The following TOM1L1 variants were observed in gnomAD, a reference collection of about 807,000 sequenced individuals.
TOM1L1 encodes the protein target of myb1 like 1 membrane trafficking protein, also known as TOM1-like protein 1.
TOM1L1 carries 64 observed loss-of-function variants against 63.4 expected under a neutral mutation model. The ratio of observed to expected loss-of-function variants is 1.01; its 90% CI spans 0.83 to 1.24. The LOEUF is 1.24. TOM1L1 is among the 50% of genes most tolerant of loss of function. The pLI is 0.00. For missense variants in TOM1L1, 536 were observed against 567.0 expected (o/e 0.95, Z 0.55); for synonymous variants, 166 against 194.4 (o/e 0.85, Z 1.22).
At chr17:54,949,099 A>AT (rs1489160466) in intron 12 of TOM1L1, among the ~76,000 whole-genome samples, 2 of 152,106 alleles carry the variant, frequency 1.3e-5, no homozygotes, top group Non-Finnish European at 1.5e-5. Flanking sequence ...TAGCATGATC[A>AT]TATGATCATA....
intron 7 of TOM1L1, chr17:54,916,097 C>T: frequency 2.1e-6 from 1 of 470,852 alleles, no homozygotes; most frequent in South Asian, 4.5e-5. Context: ...TAAGTTATAA[C>T]CTTGGTCATG....
intron 7 of TOM1L1, among the ~76,000 whole-genome samples, chr17:54,924,045 A>T (rs1392888361): frequency 2.0e-5 from 3 of 151,616 alleles, no homozygotes; most frequent in Non-Finnish European, 4.4e-5. Flanking sequence ...CTTGCTGGAA[A>T]CCCTCCATTG....
At chr17:54,915,887 C>G (rs779006471) in intron 7 of TOM1L1, 25 bp downstream of exon 7, 1 of 1,549,180 alleles carries the variant, frequency 6.5e-7, no homozygotes, top group East Asian at 2.3e-5. Context: ...CAGGGACTAT[C>G]AGTCAAAGTG....
intron 7 of TOM1L1, among the ~76,000 whole-genome samples, chr17:54,921,981 A>T (rs988057082): frequency 2.0e-5 from 3 of 152,156 alleles, no homozygotes; most frequent in Non-Finnish European, 4.4e-5. Flanking sequence ...AGTAAGCTAG[A>T]GAAAAGAAAA....
intron 8 of TOM1L1, among the ~76,000 whole-genome samples, chr17:54,934,120 C>T (rs749785011): frequency 6.6e-6 from 1 of 152,104 alleles, no homozygotes; most frequent in Non-Finnish European, 1.5e-5. Flanking sequence ...TGAGTTCTGT[C>T]CTTTGTCCTG....
At position 54,900,948 on chromosome 17, in the gene TOM1L1, C is replaced by CCAGG. The variant is rs1567816378; in HGVS notation, c.58+34_58+37dup. 2.5e-6 allele frequency: 4 copies of CCAGG among 1,613,610 alleles called. No homozygotes were observed. The Admixed American group carries it at 6.7e-5, about 27-fold the overall frequency. ...GGTAAGGAGGCGCGGGGAGAGACGC[C>CCAGG]CAGGCAGGCAGGGGACCGTGGGATC... On this transcript the variant is annotated intron_variant, in intron 1 of 15. Transcript: ENST00000575882.
intron 15 of TOM1L1, among the ~76,000 whole-genome samples, chr17:54,960,959 C>T (rs1281493042): frequency 6.6e-6 from 1 of 152,156 alleles, no homozygotes; most frequent in African/African-American, 2.4e-5. Context: ...TTAACCGGTA[C>T]CAGTAGACCC....
intron 1 of TOM1L1, chr17:54,901,215 GC>G (rs899050149): frequency 2.5e-5 from 12 of 478,062 alleles, no homozygotes; most frequent in Middle Eastern, 5.5e-4. Context: ...GAGTGTTTGG[GC>G]CTCCACGAGG....
chr17:54,905,462 G>A (rs763724673), intron 2 of TOM1L1, 27 bp from the exon 3 acceptor site: 1 of 1,502,530 alleles, frequency 6.7e-7, no homozygotes. Flanking sequence ...GCCTAAATTG[G>A]TGATTTCAGT....
chr17:54,915,680 G>A, intron 6 of TOM1L1, 66 bp from the exon 7 acceptor site: 1 of 1,113,156 alleles, frequency 9.0e-7, no homozygotes, highest in East Asian at 2.7e-5. Context: ...TGTCCCATGG[G>A]GGCAGGAAAC....
chr17:54,903,409 T>C (rs1312276592), intron 1 of TOM1L1, among the ~76,000 whole-genome samples: 3 of 152,236 alleles, frequency 2.0e-5, no homozygotes, highest in Non-Finnish European at 4.4e-5. Flanking sequence ...TAAGCCCTAG[T>C]TCCCTTCTCT....
intron 7 of TOM1L1, among the ~76,000 whole-genome samples, chr17:54,919,703 T>G (rs969310313): frequency 6.6e-6 from 1 of 152,202 alleles, no homozygotes; most frequent in Non-Finnish European, 1.5e-5. Flanking sequence ...TTATAGAGAC[T>G]GTTGAATGTG....
chr17:54,900,946 G>A, intron 1 of TOM1L1, 23 bp downstream of exon 1: 2 of 1,613,592 alleles, frequency 1.2e-6, no homozygotes, highest in Non-Finnish European at 1.7e-6. Context: ...GGGGAGAGAC[G>A]CCCAGGCAGG....
intron 11 of TOM1L1, among the ~76,000 whole-genome samples, chr17:54,943,399 C>T (rs2049062282): frequency 6.8e-6 from 1 of 146,374 alleles, no homozygotes; most frequent in Non-Finnish European, 1.5e-5. Context: ...TTTTAGTGCT[C>T]CATTTTAGTT....
At chr17:54,943,035 T>C in intron 11 of TOM1L1, among the ~76,000 whole-genome samples, 1 of 152,196 alleles carries the variant, frequency 6.6e-6, no homozygotes, top group Non-Finnish European at 1.5e-5. Context: ...GATTGAGTCT[T>C]TTATCATTAT....
At chr17:54,910,400 G>A (rs1240014079) in intron 3 of TOM1L1, among the ~76,000 whole-genome samples, 3 of 152,214 alleles carry the variant, frequency 2.0e-5, no homozygotes, top group African/African-American at 7.2e-5. Context: ...AGGTTGCAGT[G>A]AGTCGAGATT....
chr17:54,933,271 A>G (rs2048893376), intron 8 of TOM1L1, among the ~76,000 whole-genome samples: 1 of 152,112 alleles, frequency 6.6e-6, no homozygotes, highest in African/African-American at 2.4e-5. Flanking sequence ...TGATTATATC[A>G]TATCACTCTT....
chr17:54,944,174 G>A (rs1179658252), intron 11 of TOM1L1, among the ~76,000 whole-genome samples: 2 of 152,112 alleles, frequency 1.3e-5, no homozygotes, highest in Non-Finnish European at 2.9e-5. Flanking sequence ...GTGGCCGGGC[G>A]TGGTGGCTCA....
Position 54,915,865 on chromosome 17 carries a change from G to T in TOM1L1, c.720+3G>T, listed in dbSNP as rs2048579605. The T allele has an allele frequency of 6.2e-7, 1 of 1,607,998 alleles. No individual in the cohort carries two copies. Among genetic ancestry groups the T allele is most frequent in the African/African-American group, 1.3e-5 (1 of 74,798 alleles). On this transcript the variant is annotated splice_donor_region_variant and intron_variant, in intron 7 of 15. Transcript: ENST00000575882. ...ATGAAGACATAGAGCTTCTGCAGGT[G>T]TTGTACGATTTCAGGGACTATCAGT...
Sources: allele counts gnomAD v4.1 joint callset (sites outside exome capture counted in the v4.1 genomes callset), GRCh38; gene constraint gnomAD v4.1.1; transcripts MANE v1.5; gene names NCBI Gene and HGNC (gene_info 2026-07-23, HGNC 2026-07-21).